PTPN20: variants seen among roughly 807,000 people sequenced by gnomAD.
The protein encoded by PTPN20 is tyrosine-protein phosphatase non-receptor type 20.
A neutral mutation model predicts 35.0 loss-of-function variants in PTPN20; 9 were observed. The ratio of observed to expected loss-of-function variants is 0.26; its 90% CI spans 0.15 to 0.45. PTPN20 has a LOEUF of 0.45. PTPN20 is among the 20% of genes least tolerant of loss of function. PTPN20 has a pLI of 1.00. For missense variants in PTPN20, 111 were observed against 312.5 expected (o/e 0.36, Z 4.86); for synonymous variants, 32 against 100.2 (o/e 0.32, Z 4.06).
Position 46,980,032 on chromosome 10 carries a change from G to T in PTPN20, c.584-4198G>T, listed in dbSNP as rs2136389927. Among the ~76,000 whole-genome samples the T allele has an allele frequency of 1.3e-5, 2 of 150,534 alleles. 1 individual carries two copies. The highest frequency in any genetic ancestry group is 3.0e-5 in the Non-Finnish European group (2 of 67,482). On this transcript the variant is annotated intron_variant, in intron 7 of 10. Transcript: ENST00000374339. ...TGAACAAGAAGTAGCAAATGCTTTAGTCTTATTTGTCTGTCAGAGGGTAGG... is the reference window on the plus strand; with the variant it reads ...TGAACAAGAAGTAGCAAATGCTTTATTCTTATTTGTCTGTCAGAGGGTAGG...
chr10:46,935,306 GTTTT>G (rs71465454), intron 2 of PTPN20, among the ~76,000 whole-genome samples: 50 of 107,476 alleles, frequency 4.7e-4, no homozygotes, highest in South Asian at 7.1e-4. Flanking sequence ...ATTTCATTCT[GTTTT>G]TTTTTTTTTT....
chr10:46,994,172 A>G (rs971953598), intron 9 of PTPN20, among the ~76,000 whole-genome samples: 20 of 151,954 alleles, frequency 1.3e-4, no homozygotes, highest in Non-Finnish European at 2.6e-4. Context: ...CAATTGTCAG[A>G]TGAATTGGAG....
In PTPN20 at chr10:46,999,896, TGTCATCTTATTACA is replaced by T. The variant is rs2059801950; in HGVS notation, c.1135-13_1135del. ...CCCCATGTGGATCATACAAAATTAC[TGTCATCTTATTACA>T]GTTCAACATCATGGATATAGTGGCC... On this transcript the variant is annotated splice_acceptor_variant and splice_polypyrimidine_tract_variant and intron_variant, in intron 9 of 10. Coordinates refer to ENST00000374339, the MANE Select transcript of PTPN20 (RefSeq NM_001042357.5). LOFTEE classifies it high-confidence loss of function. 4 of 1,613,510 alleles carry T rather than the reference TGTCATCTTATTACA, an allele frequency of 2.5e-6. No homozygotes were observed. In the African/African-American group the frequency reaches 5.3e-5, roughly 22 times the overall value.
At chr10:46,951,342 T>C (rs61845356) in intron 5 of PTPN20, among the ~76,000 whole-genome samples, 41,347 of 146,466 alleles carry the variant, frequency 0.28, 2,025 homozygotes, top group South Asian at 0.4. Flanking sequence ...TGGATTTGCA[T>C]ATTTATAAAC....
intron 5 of PTPN20, among the ~76,000 whole-genome samples, chr10:46,953,640 C>T (rs1288526862): frequency 7.5e-6 from 1 of 134,186 alleles, no homozygotes; most frequent in Non-Finnish European, 1.5e-5. Flanking sequence ...TTGTTAAATG[C>T]TTTTTCTGCG....
intron 5 of PTPN20, among the ~76,000 whole-genome samples, chr10:46,960,626 C>T (rs1309290578): frequency 6.6e-6 from 1 of 151,906 alleles, no homozygotes; most frequent in Non-Finnish European, 1.5e-5. Context: ...ACAGTTTTAA[C>T]ATATGTTATA....
chr10:46,998,169 G>C (rs2059474657), intron 9 of PTPN20, among the ~76,000 whole-genome samples: 1 of 152,170 alleles, frequency 6.6e-6, no homozygotes, highest in Non-Finnish European at 1.5e-5. Context: ...ACAGAAACCT[G>C]TATGTAAATG....
chr10:47,000,642 A>G (rs1398179843), intron 10 of PTPN20, 34 bp from the exon 11 acceptor site: 8 of 1,608,768 alleles, frequency 5.0e-6, no homozygotes, highest in African/African-American at 1.3e-5. Context: ...TCAATTACTT[A>G]ACATTCTGTT....
At chr10:46,997,769 C>T (rs2059399230) in intron 9 of PTPN20, among the ~76,000 whole-genome samples, 1 of 151,868 alleles carries the variant, frequency 6.6e-6, no homozygotes, top group Non-Finnish European at 1.5e-5. Context: ...AGACAGTTCA[C>T]CAAAGAGAAC....
At chr10:46,947,212 G>GTA (rs1163672605) in intron 5 of PTPN20, among the ~76,000 whole-genome samples, 8,576 of 127,458 alleles carry the variant, frequency 0.067, 562 homozygotes, top group African/African-American at 0.13. Context: ...ATGTGTATGT[G>GTA]TATATATATA....
At chr10:46,996,827 T>C (rs1010991528) in intron 9 of PTPN20, among the ~76,000 whole-genome samples, 11 of 152,212 alleles carry the variant, frequency 7.2e-5, no homozygotes, top group South Asian at 2.1e-4. Flanking sequence ...TTCTGTTCTA[T>C]TGATTAGTGT....
chr10:46,945,325 C>G (rs1479361146), intron 4 of PTPN20, among the ~76,000 whole-genome samples: 3 of 151,912 alleles, frequency 2.0e-5, no homozygotes, highest in Non-Finnish European at 4.4e-5. Context: ...ATGCTGGTGG[C>G]AAGGTGAGGA....
At chr10:46,992,910 T>G (rs1239796038) in intron 9 of PTPN20, among the ~76,000 whole-genome samples, 1 of 152,216 alleles carries the variant, frequency 6.6e-6, no homozygotes, top group Non-Finnish European at 1.5e-5. Context: ...TTATATTCTT[T>G]GTATCCCTTG....
chr10:46,951,454 AT>A (rs1365167855), intron 5 of PTPN20, among the ~76,000 whole-genome samples: 1 of 152,218 alleles, frequency 6.6e-6, no homozygotes, highest in Admixed American at 6.5e-5. Context: ...GTAACCCTCA[AT>A]TCTATACCTT....
At chr10:46,927,942 G>A (rs2038130920) in intron 1 of PTPN20, among the ~76,000 whole-genome samples, 1 of 151,722 alleles carries the variant, frequency 6.6e-6, no homozygotes, top group African/African-American at 2.4e-5. Context: ...AGGTTGGAGG[G>A]AATATGCCAA....
intron 5 of PTPN20, among the ~76,000 whole-genome samples, chr10:46,953,358 T>TCTTTCTTC: frequency 7.2e-6 from 1 of 139,194 alleles, no homozygotes; most frequent in Admixed American, 7.0e-5. Context: ...TTTCTTTCTT[T>TCTTTCTTC]CTTTCTTTCT....
intron 2 of PTPN20, among the ~76,000 whole-genome samples, chr10:46,937,950 CTTT>C (rs1266304586): frequency 7.9e-6 from 1 of 127,180 alleles, no homozygotes; most frequent in South Asian, 2.5e-4. Flanking sequence ...TTTTTCTTTT[CTTT>C]TTTTTTTTTT....
intron 5 of PTPN20, among the ~76,000 whole-genome samples, chr10:46,959,825 A>G (rs1450378309): frequency 8.3e-6 from 1 of 120,608 alleles, no homozygotes; most frequent in African/African-American, 3.2e-5. Context: ...TTGTCACAAA[A>G]TTACATTTTT....
At chr10:46,929,436 A>G (rs1449962393) in intron 1 of PTPN20, among the ~76,000 whole-genome samples, 1 of 151,472 alleles carries the variant, frequency 6.6e-6, no homozygotes, top group Non-Finnish European at 1.5e-5. Flanking sequence ...TGGTCCCTCA[A>G]TATCTTTCAC....
Sources: gnomAD v4.1 joint callset for allele counts (sites outside exome capture counted in the v4.1 genomes callset) on GRCh38, gnomAD v4.1.1 for gene constraint, MANE v1.5 for transcripts, NCBI Gene and HGNC (gene_info 2026-07-23, HGNC 2026-07-21) for gene names.